RNF187: variants seen among roughly 807,000 people sequenced by gnomAD.
The protein encoded by RNF187 is E3 ubiquitin-protein ligase RNF187.
In RNF187, 18 loss-of-function variants were observed where a neutral mutation model predicts 22.2. The observed-to-expected ratio is 0.81, with a 90% CI of 0.56 to 1.20. RNF187 has a LOEUF of 1.20. Among genes scored for constraint, RNF187 ranks in the 50% most tolerant of loss-of-function variants. The probability of loss-of-function intolerance (pLI) is 0.00; values close to 1 mark genes in which losing one functional copy is unlikely to be tolerated. For missense variants in RNF187, 329 were observed against 317.6 expected (o/e 1.04, Z -0.27); for synonymous variants, 164 against 140.9 (o/e 1.16, Z -1.16).
chr1:228,491,089 A>G, intron 2 of RNF187, among the ~76,000 whole-genome samples: 99 of 152,086 alleles, frequency 6.5e-4, no homozygotes, highest in South Asian at 2.1e-4. Flanking sequence ...TTAAACTGAC[A>G]TAAGCTAAAC....
At position 228,496,135 on chromosome 1, in the gene RNF187, C is replaced by T; in HGVS notation, c.*2250C>T. Among the ~76,000 whole-genome samples, 1 of 152,242 alleles carries T rather than the reference C, an allele frequency of 6.6e-6. No individual in the cohort carries two copies. Among genetic ancestry groups the T allele is most frequent in the African/African-American group, 2.4e-5 (1 of 41,458 alleles). ...TCCCCAAATCCTCTTGTCTCAGCCC[C>T]TGCTAACCACCGTTCTACTCTCTAA... On this transcript the variant is annotated 3_prime_UTR_variant, in exon 4 of 4. Transcript: ENST00000305943.
In RNF187 at chr1:228,494,272, T is replaced by G; in HGVS notation, c.*387T>G. On this transcript the variant is annotated 3_prime_UTR_variant, in exon 4 of 4. Transcript: ENST00000305943. ...TGTGGGCCCACAGATCCTTGGCAGG[T>G]ACCTGAGGTGCACCATTGAGTGTCG... 8.5e-7 allele frequency: 1 copy of G among 1,180,014 alleles called. No individual in the cohort carries two copies. The highest frequency in any genetic ancestry group is 1.1e-6 in the Non-Finnish European group (1 of 943,866). The allele number at this position is 1,180,014 out of a possible 1,614,324, so 73.1% of individuals were successfully genotyped here. A position where few individuals can be genotyped will look rare whatever the true frequency, so the allele number is the denominator to read the frequency against.
rs1571797263 is a variant in RNF187, at chr1:228,487,551, A to C, written c.63A>C (p.Glu21Asp). The C allele has an allele frequency of 8.1e-7, 1 of 1,231,636 alleles. No homozygotes were observed. Among genetic ancestry groups the C allele is most frequent in the Non-Finnish European group, 1.0e-6 (1 of 977,204 alleles). 76.3% of individuals were successfully genotyped at this position (1,231,636 alleles called of 1,614,324 possible). ...CCCTGTGCCAGCGCGCGCCCCGGGA[A>C]CCGGTGCGCGCCGACTGCGGCCACC... Residue 21 changes from glutamate (E) to aspartate (D), a missense_variant, in exon 1 of 4, where the codon GAA (glutamate) becomes GAC (aspartate). Coordinates refer to ENST00000305943, the MANE Select transcript of RNF187 (RefSeq NM_001010858.3).
chr1:228,487,906 C>A, intron 1 of RNF187, 28 bp downstream of exon 1: 2 of 1,180,256 alleles, frequency 1.7e-6, no homozygotes, highest in Non-Finnish European at 1.1e-6. Flanking sequence ...CCGTGCCCCA[C>A]CCCGGACGGT....
chr1:228,494,401 C>G lies in RNF187; in HGVS notation c.*516C>G. The G allele has an allele frequency of 3.0e-6, 3 of 1,003,160 alleles. No individual in the cohort carries two copies. The highest frequency in any genetic ancestry group is 4.3e-5 in the South Asian group (1 of 23,180). 62.1% of individuals were successfully genotyped at this position (1,003,160 alleles called of 1,614,324 possible). On this transcript the variant is annotated 3_prime_UTR_variant, in exon 4 of 4. Transcript: ENST00000305943. ...AGGAAGACTGGATTGCACCTTGATG[C>G]CTCCTGAGGAGGCGGCCCCCCTCTT...
At position 228,495,659 on chromosome 1, in the gene RNF187, G is replaced by C; in HGVS notation, c.*1774G>C. On this transcript the variant is annotated 3_prime_UTR_variant, in exon 4 of 4. Transcript: ENST00000305943. ...TCAGTGTCTCCACATCACCAGGTCC[G>C]ACAGTGGCTTCACCATCCTCACCTA... The C allele has an allele frequency of 2.0e-6, 2 of 985,580 alleles. No individual in the cohort carries two copies. The highest frequency in any genetic ancestry group is 9.4e-5 in the South Asian group (2 of 21,292). The allele number at this position is 985,580 out of a possible 1,614,324, so 61.1% of individuals were successfully genotyped here.
Position 228,487,631 on chromosome 1 carries a change from C to T in RNF187, c.143C>T (p.Pro48Leu), listed in dbSNP as rs1458502871. 1.2e-5 allele frequency: 14 copies of T among 1,207,858 alleles called. No individual in the cohort carries two copies. Among genetic ancestry groups the T allele is most frequent in the African/African-American group, 1.6e-5 (1 of 62,094 alleles). 74.8% of individuals were successfully genotyped at this position (1,207,858 alleles called of 1,614,324 possible). A position where few individuals can be genotyped will look rare whatever the true frequency, so the allele number is the denominator to read the frequency against. ...TGGGCCGAGGAGGACGGGCCCTTCC[C>T]GTGCCCCGAGTGCGCCGACGACTGC... The change falls in exon 1 of 4, where the codon CCG (proline) becomes CTG (leucine). Residue 48 changes from proline to leucine, a missense_variant. Coordinates refer to ENST00000305943, the MANE Select transcript of RNF187 (RefSeq NM_001010858.3).
At chr1:228,492,736 C>T in intron 2 of RNF187, among the ~76,000 whole-genome samples, 2 of 149,788 alleles carry the variant, frequency 1.3e-5, no homozygotes, top group South Asian at 2.1e-4. Flanking sequence ...AAGTGATTCA[C>T]CTGCCTCAGC....
intron 2 of RNF187, among the ~76,000 whole-genome samples, chr1:228,492,751 C>G: frequency 6.6e-6 from 1 of 151,148 alleles, no homozygotes; most frequent in East Asian, 1.9e-4. Flanking sequence ...CTCAGCCTCC[C>G]GATTAGCTGG....
chr1:228,494,165 G>A lies in RNF187; in HGVS notation c.*280G>A. On this transcript the variant is annotated 3_prime_UTR_variant, in exon 4 of 4. Transcript: ENST00000305943. ...CCACAGCCCATCCTCCATGAGTCCC[G>A]GCAGCTCTGGGTCATGCCCTTCCCT... is the stretch of plus-strand genomic sequence containing the variant. 8 of 1,397,260 alleles carry A rather than the reference G, an allele frequency of 5.7e-6. No individual in the cohort carries two copies. Among genetic ancestry groups the A allele is most frequent in the African/African-American group, 1.5e-5 (1 of 68,678 alleles). 86.6% of individuals were successfully genotyped at this position (1,397,260 alleles called of 1,614,324 possible).
In RNF187 at chr1:228,487,404, T is replaced by TGGTCTCCGTCCGGTCGCCGGCCGTCTA; in HGVS notation, c.-76_-50dup. 2 of 1,057,860 alleles carry TGGTCTCCGTCCGGTCGCCGGCCGTCTA rather than the reference T, an allele frequency of 1.9e-6. No homozygotes were observed. The highest frequency in any genetic ancestry group is 2.3e-6 in the Non-Finnish European group (2 of 879,752). The allele number at this position is 1,057,860 out of a possible 1,614,324, so 65.5% of individuals were successfully genotyped here. A position where few individuals can be genotyped will look rare whatever the true frequency, so the allele number is the denominator to read the frequency against. The stretch of plus-strand genomic sequence containing the variant: ...GGCGTTGGCGTCTTCGTCCTGTTGC[T>TGGTCTCCGTCCGGTCGCCGGCCGTCTA]GGTCTCCGTCCGGTCGCCGGCCGTC... On this transcript the variant is annotated 5_prime_UTR_variant, in exon 1 of 4. Coordinates refer to ENST00000305943, the MANE Select transcript of RNF187 (RefSeq NM_001010858.3).
Position 228,489,060 on chromosome 1 carries a change from GGGGGACCTGGGGCAGCCTGGAATGA to G in RNF187, c.483+15_483+39del. On this transcript the variant is annotated intron_variant, in intron 2 of 3. Coordinates refer to ENST00000305943, the MANE Select transcript of RNF187 (RefSeq NM_001010858.3). ...GCAGCTGCAGTGTGGAAGGCAAGTG[GGGGGACCTGGGGCAGCCTGGAATGA>G]GGGGACTGTGGGCTCAGGGCTCTAG... 11 of 1,543,656 alleles carry G rather than the reference GGGGGACCTGGGGCAGCCTGGAATGA, an allele frequency of 7.1e-6. No individual in the cohort carries two copies. Among genetic ancestry groups the G allele is most frequent in the Non-Finnish European group, 9.6e-6 (11 of 1,145,662 alleles).
At chr1:228,492,997 C>T in intron 2 of RNF187, 56 bp from the exon 3 acceptor site, 10 of 1,483,630 alleles carry the variant, frequency 6.7e-6, no homozygotes, top group Non-Finnish European at 9.0e-6. Flanking sequence ...ACAGGTTCCC[C>T]TTCCCCTGGG....
Position 228,494,822 on chromosome 1 carries a change from T to G in RNF187, c.*937T>G. ...CATAGATGCAGACAGTTGTTGAGAT[T>G]TGGGGATAGCCGGGCTTGTGAGCGG... is the stretch of plus-strand genomic sequence containing the variant. On this transcript the variant is annotated 3_prime_UTR_variant, in exon 4 of 4. Coordinates refer to ENST00000305943, the MANE Select transcript of RNF187 (RefSeq NM_001010858.3). 1 of 985,458 alleles carries G rather than the reference T, an allele frequency of 1.0e-6. No homozygotes were observed. The highest frequency in any genetic ancestry group is 4.7e-5 in the South Asian group (1 of 21,288). 61.0% of individuals were successfully genotyped at this position (985,458 alleles called of 1,614,324 possible). A position where few individuals can be genotyped will look rare whatever the true frequency, so the allele number is the denominator to read the frequency against.
In RNF187 at chr1:228,494,421, C is replaced by T; in HGVS notation, c.*536C>T. Reference sequence around the variant, plus strand: ...TGATGCCTCCTGAGGAGGCGGCCCCCCTCTTGAGGTGGGCGTGGGCCCGGC... The same window carrying T: ...TGATGCCTCCTGAGGAGGCGGCCCCTCTCTTGAGGTGGGCGTGGGCCCGGC... On this transcript the variant is annotated 3_prime_UTR_variant, in exon 4 of 4. Transcript: ENST00000305943. 8 of 995,180 alleles carry T rather than the reference C, an allele frequency of 8.0e-6. No individual in the cohort carries two copies. The highest frequency in any genetic ancestry group is 4.5e-5 in the South Asian group (1 of 22,238). 61.6% of individuals were successfully genotyped at this position (995,180 alleles called of 1,614,324 possible).
rs1558488045 is a variant in RNF187, at chr1:228,489,046, G to C, written c.477G>C (p.Val159=). ...GCCAGGCAGAGTCAGCAGCTGCAGT[G>C]TGGAAGGCAAGTGGGGGGACCTGGG... Residue 159 remains valine (V), a synonymous_variant, in exon 2 of 4, where the codon GTG becomes GTC. Coordinates refer to ENST00000305943, the MANE Select transcript of RNF187 (RefSeq NM_001010858.3). 6.5e-7 allele frequency: 1 copy of C among 1,547,600 alleles called. No individual in the cohort carries two copies. The highest frequency in any genetic ancestry group is 2.4e-5 in the East Asian group (1 of 40,906).
chr1:228,490,105 T>C, intron 2 of RNF187, among the ~76,000 whole-genome samples: 19 of 152,318 alleles, frequency 1.2e-4, no homozygotes, highest in Non-Finnish European at 1.8e-4. Flanking sequence ...CCTATCTCCT[T>C]CTTTTAACCT....
At chr1:228,487,904 C>T in intron 1 of RNF187, 26 bp downstream of exon 1, 71 of 1,192,234 alleles carry the variant, frequency 6.0e-5, no homozygotes, top group Non-Finnish European at 7.1e-5. Context: ...TCCCGTGCCC[C>T]ACCCCGGACG....
At chr1:228,489,104 G>C in intron 2 of RNF187, 52 bp downstream of exon 2, 1 of 1,465,174 alleles carries the variant, frequency 6.8e-7, no homozygotes, top group South Asian at 1.2e-5. Flanking sequence ...TGGGCTCAGG[G>C]CTCTAGACAA....
Sources: gnomAD v4.1 joint callset for allele counts (sites outside exome capture counted in the v4.1 genomes callset) on GRCh38, gnomAD v4.1.1 for gene constraint, MANE v1.5 for transcripts, NCBI Gene and HGNC (gene_info 2026-07-23, HGNC 2026-07-21) for gene names.